The following CEMIP2 variants were observed in gnomAD, a reference collection of about 807,000 sequenced individuals.
The protein encoded by CEMIP2 is cell surface hyaluronidase CEMIP2.
Under a neutral mutation model 146.9 loss-of-function variants are expected in CEMIP2, and 79 were observed. The ratio of observed to expected loss-of-function variants is 0.54; its 90% confidence interval spans 0.45 to 0.65. The LOEUF is 0.65. Among genes scored for constraint, CEMIP2 ranks in the 30% least tolerant of loss-of-function variants. CEMIP2 has a pLI of 0.00. For synonymous variants in CEMIP2, 601 were observed against 606.3 expected (o/e 0.99, Z 0.13); for missense variants, 1,596 against 1,696.2 (o/e 0.94, Z 1.04).
chr9:71,731,005 A>G (rs1823600930), intron 7 of CEMIP2, 91 bp from the exon 8 acceptor site: 1 of 985,758 alleles, frequency 1.0e-6, no homozygotes, highest in Admixed American at 2.3e-5. Flanking sequence ...TCCAAAGGAG[A>G]ATACTTATTA....
At chr9:71,711,986 G>T in intron 16 of CEMIP2, 97 bp downstream of exon 16, 1 of 1,344,886 alleles carries the variant, frequency 7.4e-7, no homozygotes, top group Non-Finnish European at 1.0e-6. Context: ...CACTCGTACA[G>T]ACTCGGTGCA....
intron 17 of CEMIP2, among the ~76,000 whole-genome samples, chr9:71,705,819 A>T (rs1008937289): frequency 6.6e-6 from 1 of 150,982 alleles, no homozygotes; most frequent in African/African-American, 2.4e-5. Flanking sequence ...GTGTGTGTGT[A>T]TATATATATA....
rs776451092 is a variant in CEMIP2, at chr9:71,750,285, C to T, written c.89G>A (p.Gly30Glu). 2.5e-6 allele frequency: 4 copies of T among 1,613,714 alleles called. No homozygotes were observed. In the South Asian group the frequency reaches 3.3e-5, roughly 13 times the overall value. Residue 30 changes from glycine to glutamate, a missense_variant, in exon 2 of 24, where the codon GGG (glycine) becomes GAG (glutamate). Transcript: ENST00000377044. ...AGGGGGACGCAATGGGACAACCTTCCCTGGAACATAGCCAGATGGGTGACG... is the reference window on the plus strand; with the variant it reads ...AGGGGGACGCAATGGGACAACCTTCTCTGGAACATAGCCAGATGGGTGACG... Reference protein sequence around the residue: ...NSRHPSGYVPGKVVPLRPPPP... With the variant: ...NSRHPSGYVPEKVVPLRPPPP...
chr9:71,753,627 C>T lies in CEMIP2; in HGVS notation c.-12-3242G>A, dbSNP rs974077643. On this transcript the variant is annotated intron_variant, in intron 1 of 23. Coordinates refer to ENST00000377044, the MANE Select transcript of CEMIP2 (RefSeq NM_013390.3). Reference sequence around the variant, plus strand: ...TCATAAGAGGTAATATAGTGTTGCACCATGTATTAGAATAAAATAACCAAA... The same window carrying T: ...TCATAAGAGGTAATATAGTGTTGCATCATGTATTAGAATAAAATAACCAAA... Among the ~76,000 whole-genome samples, 4 of 152,048 alleles carry T rather than the reference C, an allele frequency of 2.6e-5. No homozygotes were observed. In the South Asian group the frequency reaches 8.3e-4, roughly 32 times the overall value.
In CEMIP2 at chr9:71,712,192, T is replaced by G; in HGVS notation, c.2660A>C (p.Lys887Thr). The G allele has an allele frequency of 6.2e-7, 1 of 1,614,170 alleles. No homozygotes were observed. Among genetic ancestry groups the G allele is most frequent in the Non-Finnish European group, 8.5e-7 (1 of 1,180,010 alleles). Residue 887 changes from lysine to threonine, a missense_variant, in exon 16 of 24, where the codon AAA (lysine) becomes ACA (threonine). By Grantham distance (78) the Lys-to-Thr change is moderately conservative (BLOSUM62 -1). Transcript: ENST00000377044. ...GTACCTATCTGGAGTTGGCACATAT[T>G]TTTTGAAAGTGCTCCTTGTGAGATG... ...PIHLTRSTFK[K>T]YVPTPDRYSS...
At chr9:71,730,578 C>T in intron 8 of CEMIP2, 127 bp downstream of exon 8, 1 of 985,346 alleles carries the variant, frequency 1.0e-6, no homozygotes, top group Non-Finnish European at 1.5e-6. Flanking sequence ...GTGGAATGCT[C>T]AGAAAAGGCA....
At chr9:71,698,323 C>T in intron 19 of CEMIP2, 119 bp from the exon 20 acceptor site, 1 of 798,030 alleles carries the variant, frequency 1.3e-6, no homozygotes, top group African/African-American at 1.7e-5. Context: ...TTCCTTAAAA[C>T]ATAAATTACA....
intron 22 of CEMIP2, chr9:71,687,495 T>TGTGTGTGTGC (rs1554679320): frequency 6.6e-6 from 1 of 150,654 alleles, no homozygotes; most frequent in Non-Finnish European, 1.5e-5. Context: ...TGTGTGTGTG[T>TGTGTGTGTGC]ACACATACAA....
At chr9:71,749,919 G>C (rs191593059) in intron 2 of CEMIP2, 124 bp downstream of exon 2, 20 of 726,424 alleles carry the variant, frequency 2.8e-5, no homozygotes. Context: ...GTGACACCTC[G>C]TATTACCTAA....
intron 5 of CEMIP2, among the ~76,000 whole-genome samples, chr9:71,736,340 A>G (rs556870177): frequency 1.3e-5 from 2 of 151,892 alleles, no homozygotes; most frequent in East Asian, 3.9e-4. Flanking sequence ...AGGACTGCTC[A>G]CCTCCTTGGA....
chr9:71,735,009 A>G lies in CEMIP2; in HGVS notation c.1205-15T>C, dbSNP rs754414078. The G allele has an allele frequency of 2.3e-5, 36 of 1,573,856 alleles. No homozygotes were observed. The highest frequency in any genetic ancestry group is 2.6e-5 in the Non-Finnish European group (30 of 1,165,290). ...AAGAGAAACGCCTAAACCAAAAAAA[A>G]AAAAAAGAAAAAGAAAGTGATACAT... On this transcript the variant is annotated splice_polypyrimidine_tract_variant and intron_variant, in intron 5 of 23. Transcript: ENST00000377044.
chr9:71,734,525 G>T, intron 6 of CEMIP2, among the ~76,000 whole-genome samples: 1 of 152,088 alleles, frequency 6.6e-6, no homozygotes, highest in East Asian at 1.9e-4. Flanking sequence ...TAATAGAAAA[G>T]ACCTTGGAAA....
rs1337306117 is a variant in CEMIP2, at chr9:71,759,929, T to C, written c.-13+8428A>G. Among the ~76,000 whole-genome samples the C allele has an allele frequency of 5.3e-5, 8 of 151,864 alleles. No homozygotes were observed. The South Asian group carries it at 1.7e-3, about 32-fold the overall frequency. On this transcript the variant is annotated intron_variant, in intron 1 of 23. Coordinates refer to ENST00000377044, the MANE Select transcript of CEMIP2 (RefSeq NM_013390.3). ...AAGGCTTTTAATTTAAAATACTCATTTTACCAGGGAAGCCATATATTGCGG... is the reference window on the plus strand; with the variant it reads ...AAGGCTTTTAATTTAAAATACTCATCTTACCAGGGAAGCCATATATTGCGG...
chr9:71,713,957 C>A (rs1036986986), intron 15 of CEMIP2, among the ~76,000 whole-genome samples: 2 of 151,740 alleles, frequency 1.3e-5, no homozygotes, highest in African/African-American at 4.8e-5. Flanking sequence ...TGGGCTAACA[C>A]GAGTTCCACA....
chr9:71,692,121 A>ATT (rs1361236656), intron 21 of CEMIP2, among the ~76,000 whole-genome samples: 1 of 143,382 alleles, frequency 7.0e-6, no homozygotes, highest in South Asian at 2.2e-4. Flanking sequence ...AAAAAAAAAG[A>ATT]AAAAAAAAAA....
chr9:71,730,986 T>TA, intron 7 of CEMIP2, 72 bp from the exon 8 acceptor site: 1 of 1,239,586 alleles, frequency 8.1e-7, no homozygotes, highest in Non-Finnish European at 1.2e-6. Flanking sequence ...ATTGTTCTAG[T>TA]AGAAAACATC....
chr9:71,718,743 A>T (rs576586397), intron 12 of CEMIP2, among the ~76,000 whole-genome samples: 76 of 151,934 alleles, frequency 5.0e-4, no homozygotes, highest in African/African-American at 1.8e-3. Context: ...CACCCACCTA[A>T]GTTTTGTATT....
At chr9:71,756,504 TCTCACACACACACA>T (rs1220084008) in intron 1 of CEMIP2, among the ~76,000 whole-genome samples, 1 of 111,686 alleles carries the variant, frequency 9.0e-6, no homozygotes, top group Non-Finnish European at 1.9e-5. Context: ...TCTCTCTCTC[TCTCACACACACACA>T]CACACACACA....
chr9:71,718,587 C>CT (rs1480203663), intron 12 of CEMIP2, among the ~76,000 whole-genome samples: 5 of 151,746 alleles, frequency 3.3e-5, no homozygotes, highest in Non-Finnish European at 7.4e-5. Flanking sequence ...TTAATATTTT[C>CT]TTTTTTTGAG....
Sources: gnomAD v4.1 joint callset for allele counts (sites outside exome capture counted in the v4.1 genomes callset) on GRCh38, gnomAD v4.1.1 for gene constraint, MANE v1.5 for transcripts, NCBI Gene and HGNC (gene_info 2026-07-23, HGNC 2026-07-21) for gene names.